The following STAG1 variants were observed in gnomAD, a reference collection of about 807,000 sequenced individuals.
STAG1 encodes cohesin subunit SA-1.
STAG1 carries 26 observed loss-of-function variants against 170.9 expected under a neutral mutation model. The ratio of observed to expected loss-of-function variants is 0.15; its 90% confidence interval spans 0.11 to 0.21. The LOEUF (loss-of-function observed/expected upper bound fraction) is 0.21, where lower values mean the gene tolerates loss of function less well. Among genes scored for constraint, STAG1 ranks in the 10% least tolerant of loss-of-function variants. STAG1 has a pLI of 1.00. For missense variants in STAG1, 964 were observed against 1,509.5 expected, an observed-to-expected ratio of 0.64 and a Z score of 5.99; for synonymous variants, 514 against 497.7, an observed-to-expected ratio of 1.03 and a Z score of -0.44.
At chr3:136,486,596 TAA>T (rs1225249992) in intron 9 of STAG1, among the ~76,000 whole-genome samples, 2 of 152,210 alleles carry the variant, frequency 1.3e-5, no homozygotes, top group African/African-American at 2.4e-5. Flanking sequence ...AAAACCAGGC[TAA>T]GTTTTATTAC....
At chr3:136,602,833 C>G (rs1030935248) in intron 4 of STAG1, among the ~76,000 whole-genome samples, 1 of 152,146 alleles carries the variant, frequency 6.6e-6, no homozygotes, top group Non-Finnish European at 1.5e-5. Context: ...GAGCAAGACT[C>G]TGTCTCAGAA....
chr3:136,353,947 T>G (rs915053100), intron 28 of STAG1, among the ~76,000 whole-genome samples: 3 of 152,192 alleles, frequency 2.0e-5, no homozygotes, highest in African/African-American at 7.2e-5. Context: ...AAATGTAATA[T>G]ATTTGACAAT....
chr3:136,704,737 G>A (rs973949896), intron 1 of STAG1, among the ~76,000 whole-genome samples: 5 of 144,854 alleles, frequency 3.5e-5, no homozygotes, highest in African/African-American at 5.1e-5. Context: ...GCTGAGGTGA[G>A]AGAATCGCTT....
At chr3:136,633,822 T>C (rs1187910653) in intron 1 of STAG1, among the ~76,000 whole-genome samples, 1 of 148,334 alleles carries the variant, frequency 6.7e-6, no homozygotes, top group Non-Finnish European at 1.5e-5. Flanking sequence ...ACTCCATCTC[T>C]ACAAAAAAAT....
chr3:136,528,086 G>A (rs1005507996), intron 6 of STAG1, among the ~76,000 whole-genome samples: 6 of 152,134 alleles, frequency 3.9e-5, no homozygotes, highest in Non-Finnish European at 5.9e-5. Flanking sequence ...ACTCCGTGCT[G>A]GGAGAACCAC....
intron 1 of STAG1, among the ~76,000 whole-genome samples, chr3:136,742,692 G>A (rs1216737561): frequency 6.6e-6 from 1 of 150,524 alleles, no homozygotes. Context: ...TCCAGTCTGG[G>A]TGACAGAGCA....
rs114862166 is a variant in STAG1, at chr3:136,478,296, T to C, written c.903-884A>G. On this transcript the variant is annotated intron_variant, in intron 9 of 33. Coordinates refer to ENST00000383202, the MANE Select transcript of STAG1 (RefSeq NM_005862.3). ...CCCGAAAAGTCAGAATTCTGGCTCATTGCCTAGATGGCTTTTCACCTCACC... is the reference window on the plus strand; with the variant it reads ...CCCGAAAAGTCAGAATTCTGGCTCACTGCCTAGATGGCTTTTCACCTCACC... Among the ~76,000 whole-genome samples, 570 of 152,292 alleles carry C rather than the reference T, an allele frequency of 3.7e-3. 3 individuals carry two copies. Among genetic ancestry groups the C allele is most frequent in the African/African-American group, 0.013 (538 of 41,562 alleles).
intron 1 of STAG1, among the ~76,000 whole-genome samples, chr3:136,637,249 C>T (rs1379121356): frequency 2.0e-5 from 3 of 152,022 alleles, no homozygotes. Context: ...TTTCAGTGAA[C>T]AAAAAGAATG....
chr3:136,705,913 G>A (rs1943215445), intron 1 of STAG1, among the ~76,000 whole-genome samples: 1 of 151,616 alleles, frequency 6.6e-6, no homozygotes, highest in African/African-American at 2.4e-5. Flanking sequence ...AGGCCAAGGT[G>A]GGAGGATCAC....
At chr3:136,496,717 T>C (rs1320103634) in intron 9 of STAG1, among the ~76,000 whole-genome samples, 1 of 152,070 alleles carries the variant, frequency 6.6e-6, no homozygotes. Flanking sequence ...TGACCTCAAA[T>C]TCTACCTTGA....
intron 1 of STAG1, among the ~76,000 whole-genome samples, chr3:136,713,724 C>T (rs35270659): frequency 0.01 from 1,526 of 151,832 alleles, 11 homozygotes; most frequent in Non-Finnish European, 0.015. Context: ...CCTGTCTCTA[C>T]AAAAAATTTA....
At chr3:136,364,669 A>G (rs1051015332) in intron 25 of STAG1, among the ~76,000 whole-genome samples, 1 of 152,228 alleles carries the variant, frequency 6.6e-6, no homozygotes, top group Admixed American at 6.5e-5. Flanking sequence ...GTGACTGGGA[A>G]AAGTTATAAT....
chr3:136,741,765 G>A (rs1412985998), intron 1 of STAG1, among the ~76,000 whole-genome samples: 1 of 152,116 alleles, frequency 6.6e-6, no homozygotes, highest in African/African-American at 2.4e-5. Context: ...ACTGTGCCTG[G>A]CCAGGAATTT....
chr3:136,535,336 A>C (rs1274044102), intron 6 of STAG1, among the ~76,000 whole-genome samples: 1 of 152,192 alleles, frequency 6.6e-6, no homozygotes, highest in African/African-American at 2.4e-5. Flanking sequence ...TTGGGTGACT[A>C]CAGTTAACAT....
intron 3 of STAG1, among the ~76,000 whole-genome samples, chr3:136,613,073 T>C (rs1168447910): frequency 6.6e-6 from 1 of 151,686 alleles, no homozygotes; most frequent in East Asian, 1.9e-4. Flanking sequence ...GAGGCCGAGG[T>C]GGGCGGATCA....
chr3:136,623,120 A>G, intron 3 of STAG1, 26 bp downstream of exon 3: 1 of 1,583,516 alleles, frequency 6.3e-7, no homozygotes, highest in African/African-American at 1.4e-5. Flanking sequence ...TATTAAAGGA[A>G]CAAAGAAGAC....
chr3:136,713,334 G>C (rs1448592103), intron 1 of STAG1, among the ~76,000 whole-genome samples: 4 of 152,082 alleles, frequency 2.6e-5, no homozygotes, highest in Admixed American at 2.0e-4. Flanking sequence ...TGTAATCCCA[G>C]CACTTTGGGA....
intron 10 of STAG1, among the ~76,000 whole-genome samples, chr3:136,475,341 T>C (rs979977852): frequency 1.3e-5 from 2 of 152,024 alleles, no homozygotes; most frequent in Admixed American, 1.3e-4. Context: ...GAGACAGGGT[T>C]TTGCCATGCT....
At chr3:136,364,415 T>C (rs1386751964) in intron 25 of STAG1, among the ~76,000 whole-genome samples, 3 of 151,708 alleles carry the variant, frequency 2.0e-5, no homozygotes, top group African/African-American at 7.3e-5. Flanking sequence ...ACAGACAACA[T>C]CTAAAAGGTG....
Sources: allele counts gnomAD v4.1 joint callset (sites outside exome capture counted in the v4.1 genomes callset), GRCh38; gene constraint gnomAD v4.1.1; transcripts MANE v1.5; gene names NCBI Gene and HGNC (gene_info 2026-07-23, HGNC 2026-07-21).